The following BCL2L13 variants were observed in gnomAD, a reference collection of about 807,000 sequenced individuals.
The protein encoded by BCL2L13 is BCL2 like 13.
Under a neutral mutation model 25.8 loss-of-function variants are expected in BCL2L13, and 13 were observed. The observed-to-expected ratio is 0.50, with a 90% CI of 0.33 to 0.80. The LOEUF is 0.80. Among genes scored for constraint, BCL2L13 ranks in the 30% least tolerant of loss-of-function variants. The probability of loss-of-function intolerance (pLI) is 0.02; values close to 1 mark genes in which losing one functional copy is unlikely to be tolerated. For missense variants in BCL2L13, 504 were observed against 574.9 expected (o/e 0.88, Z 1.26); for synonymous variants, 244 against 230.3 (o/e 1.06, Z -0.54).
rs185852942 is a variant in BCL2L13 at position 17,673,994 on chromosome 22, A to G, written c.122-9220A>G. Among the ~76,000 whole-genome samples the G allele has an allele frequency of 2.3e-3, 357 of 152,214 alleles. 1 individual carries two copies. The highest frequency in any genetic ancestry group is 8.2e-3 in the African/African-American group (339 of 41,552). ...GTATTTGAATATTTTTTTAGTCCATATTTCACACAAGTCTAGGACAAAGGA... is the reference window on the plus strand; with the variant it reads ...GTATTTGAATATTTTTTTAGTCCATGTTTCACACAAGTCTAGGACAAAGGA... On this transcript the variant is annotated intron_variant, in intron 2 of 6. Coordinates refer to ENST00000317582, the MANE Select transcript of BCL2L13 (RefSeq NM_015367.4).
chr22:17,641,040 G>A (rs34425639), intron 1 of BCL2L13, among the ~76,000 whole-genome samples: 21,093 of 151,520 alleles, frequency 0.14, 2,017 homozygotes, highest in Non-Finnish European at 0.21. Context: ...ACAGGTGCCC[G>A]CCACCGCGAC....
intron 1 of BCL2L13, among the ~76,000 whole-genome samples, chr22:17,652,328 G>A (rs1023517491): frequency 6.6e-6 from 1 of 152,112 alleles, no homozygotes; most frequent in African/African-American, 2.4e-5. Flanking sequence ...GTGAACCACT[G>A]TTCCCAGCCA....
intron 6 of BCL2L13, among the ~76,000 whole-genome samples, chr22:17,719,108 G>A (rs1195263771): frequency 7.2e-6 from 1 of 139,594 alleles, no homozygotes; most frequent in East Asian, 2.0e-4. Context: ...GAGGCGAGAT[G>A]GCACCACTAC....
intron 1 of BCL2L13, among the ~76,000 whole-genome samples, chr22:17,640,042 C>T (rs967827185): frequency 4.6e-5 from 7 of 152,160 alleles, no homozygotes; most frequent in Admixed American, 3.9e-4. Flanking sequence ...TTAGTAGAGA[C>T]GGGGTTTCAT....
At chr22:17,644,800 G>A (rs1214506002) in intron 1 of BCL2L13, among the ~76,000 whole-genome samples, 1 of 150,058 alleles carries the variant, frequency 6.7e-6, no homozygotes, top group African/African-American at 2.5e-5. Context: ...TGAGTGCTAG[G>A]AATTTCTTTT....
intron 2 of BCL2L13, among the ~76,000 whole-genome samples, chr22:17,675,007 A>G (rs543263034): frequency 3.3e-5 from 5 of 152,262 alleles, no homozygotes; most frequent in African/African-American, 1.2e-4. Context: ...ATCCTCTACA[A>G]TTATACTAGT....
intron 1 of BCL2L13, among the ~76,000 whole-genome samples, chr22:17,652,397 T>G (rs2058716725): frequency 6.6e-6 from 1 of 152,148 alleles, no homozygotes; most frequent in South Asian, 2.1e-4. Context: ...TGTAAAATCA[T>G]GAAATATAAC....
intron 1 of BCL2L13, among the ~76,000 whole-genome samples, chr22:17,630,361 C>T (rs958051179): frequency 2.0e-5 from 3 of 151,584 alleles, no homozygotes; most frequent in African/African-American, 7.3e-5. Flanking sequence ...CTCACTACAA[C>T]CTCTGCCTCC....
chr22:17,648,101 G>T (rs1029396888), intron 1 of BCL2L13, among the ~76,000 whole-genome samples: 1 of 151,694 alleles, frequency 6.6e-6, no homozygotes. Context: ...CTGCACTCCT[G>T]GCGACAGAGA....
Position 17,660,534 on chromosome 22 carries a change from C to T in BCL2L13, c.121+4702C>T, listed in dbSNP as rs529637383. On this transcript the variant is annotated intron_variant, in intron 2 of 6. Coordinates refer to ENST00000317582, the MANE Select transcript of BCL2L13 (RefSeq NM_015367.4). ...TTCTGGGCTCAGTCGATTCTCCTGC[C>T]TCAGCCTCCGAGGAGCTGGAAGTAC... Among the ~76,000 whole-genome samples the T allele has an allele frequency of 1.4e-4, 21 of 145,846 alleles. No individual in the cohort carries two copies. The South Asian group carries it at 4.3e-3, about 30-fold the overall frequency.
intron 2 of BCL2L13, among the ~76,000 whole-genome samples, chr22:17,662,280 C>G (rs1453793490): frequency 6.6e-6 from 1 of 152,054 alleles, no homozygotes; most frequent in Non-Finnish European, 1.5e-5. Flanking sequence ...AGATCGAGAC[C>G]ATCCTGGCTA....
rs1335053444 is a variant in BCL2L13, at chr22:17,693,368, G to GTTTTTT, written c.387-2770_387-2769insTTTTTT. Among the ~76,000 whole-genome samples the GTTTTTT allele has an allele frequency of 1.9e-4, 21 of 112,232 alleles. 2 individuals are homozygous for GTTTTTT. Among genetic ancestry groups the GTTTTTT allele is most frequent in the African/African-American group, 7.8e-4 (20 of 25,600 alleles). The allele number at this position is 112,232 out of a possible 152,430, so 73.6% of individuals were successfully genotyped here. ...TTATTTATTTATTTATTTATTTAGT[G>GTTTTTT]TTTGTTTTTTTTTTTTTTTTTTTTT... On this transcript the variant is annotated intron_variant, in intron 4 of 6. Coordinates refer to ENST00000317582, the MANE Select transcript of BCL2L13 (RefSeq NM_015367.4).
At chr22:17,661,539 A>G (rs2059066225) in intron 2 of BCL2L13, among the ~76,000 whole-genome samples, 1 of 146,210 alleles carries the variant, frequency 6.8e-6, no homozygotes, top group African/African-American at 2.4e-5. Flanking sequence ...CAAAGGGCTG[A>G]ACTTTTCCCA....
intron 6 of BCL2L13, among the ~76,000 whole-genome samples, chr22:17,717,116 C>T (rs2060967515): frequency 1.3e-5 from 2 of 152,044 alleles, no homozygotes; most frequent in African/African-American, 2.4e-5. Flanking sequence ...TATGCTTTTC[C>T]TTCTGCCTGG....
chr22:17,709,819 A>T (rs573633918), intron 6 of BCL2L13, among the ~76,000 whole-genome samples: 41 of 152,174 alleles, frequency 2.7e-4, no homozygotes, highest in African/African-American at 9.9e-4. Flanking sequence ...TCACTCCTGT[A>T]ATCCCAGCAC....
At chr22:17,698,538 T>C (rs2145686321) in intron 5 of BCL2L13, among the ~76,000 whole-genome samples, 1 of 108,814 alleles carries the variant, frequency 9.2e-6, no homozygotes, top group East Asian at 3.2e-4. Flanking sequence ...CTGGGCAACA[T>C]AGCAAGACCC....
Position 17,654,478 on chromosome 22 carries a change from A to C in BCL2L13, c.-50-1184A>C, listed in dbSNP as rs953999282. On this transcript the variant is annotated intron_variant, in intron 1 of 6. Coordinates refer to ENST00000317582, the MANE Select transcript of BCL2L13 (RefSeq NM_015367.4). ...CGCTCTGTCGCCCAGGCTGGAGTGC[A>C]GTGGCGTGATCTCGGCTCATTGTAA... is the stretch of plus-strand genomic sequence containing the variant. Among the ~76,000 whole-genome samples the C allele has an allele frequency of 3.3e-5, 5 of 151,424 alleles. No individual in the cohort carries two copies. In the Admixed American group the frequency reaches 3.3e-4, roughly 10 times the overall value.
intron 1 of BCL2L13, among the ~76,000 whole-genome samples, chr22:17,649,979 T>C (rs1445518641): frequency 6.7e-6 from 1 of 149,634 alleles, no homozygotes; most frequent in Non-Finnish European, 1.5e-5. Flanking sequence ...TGAGCGATTC[T>C]CCTGCCTCAG....
chr22:17,714,312 T>C (rs1481872944), intron 6 of BCL2L13, among the ~76,000 whole-genome samples: 2 of 147,544 alleles, frequency 1.4e-5, no homozygotes, highest in South Asian at 2.2e-4. Context: ...ATTAGCCAGG[T>C]GTGATGGCGC....
Sources: gnomAD v4.1 joint callset for allele counts (sites outside exome capture counted in the v4.1 genomes callset) on GRCh38, gnomAD v4.1.1 for gene constraint, MANE v1.5 for transcripts, NCBI Gene and HGNC (gene_info 2026-07-23, HGNC 2026-07-21) for gene names.